POLR2E: variants seen among roughly 807,000 people sequenced by gnomAD.
The protein encoded by POLR2E is DNA-directed RNA polymerases I, II, and III subunit RPABC1.
Under a neutral mutation model 29.8 loss-of-function variants are expected in POLR2E, and 35 were observed. The ratio of observed to expected loss-of-function variants is 1.17; its 90% CI spans 0.90 to 1.55. The LOEUF (loss-of-function observed/expected upper bound fraction) is 1.55. POLR2E is among the 40% of genes most tolerant of loss of function. The probability of loss-of-function intolerance (pLI) is 0.00; values close to 1 mark genes in which losing one functional copy is unlikely to be tolerated. For missense variants in POLR2E, 287 were observed against 288.6 expected, an observed-to-expected ratio of 0.99 and a Z score of 0.04; for synonymous variants, 174 against 112.6, an observed-to-expected ratio of 1.55 and a Z score of -3.45.
intron 3 of POLR2E, 101 bp from the exon 4 acceptor site, chr19:1,091,089 A>C: frequency 3.1e-6 from 3 of 957,420 alleles, no homozygotes; most frequent in Non-Finnish European, 4.8e-6. Context: ...GTGCCCCAAC[A>C]ACACACCCAC....
chr19:1,089,734 C>T (rs2043788233), intron 6 of POLR2E, 150 bp downstream of exon 6: 1 of 799,190 alleles, frequency 1.3e-6, no homozygotes, highest in Non-Finnish European at 2.1e-6. Context: ...GTGGCCCTGG[C>T]TTTAAGAGGG....
At chr19:1,093,793 G>T (rs1236590119) in intron 2 of POLR2E, 111 bp downstream of exon 2, 4 of 1,434,822 alleles carry the variant, frequency 2.8e-6, no homozygotes, top group African/African-American at 2.9e-5. Flanking sequence ...CCCAGACTGG[G>T]CAGAGAGACA....
intron 7 of POLR2E, 73 bp downstream of exon 7, chr19:1,089,399 C>G: frequency 1.0e-6 from 1 of 992,512 alleles, no homozygotes; most frequent in Non-Finnish European, 1.6e-6. Context: ...CAAGAACAGC[C>G]CTGCACACCG....
intron 2 of POLR2E, chr19:1,092,255 C>T (rs1202606141): frequency 8.6e-6 from 2 of 232,642 alleles, no homozygotes; most frequent in Non-Finnish European, 8.7e-6. Context: ...GCAGACCTCA[C>T]ACCCCAGGAC....
Position 1,095,367 on chromosome 19 carries a change from G to C in POLR2E, c.-52C>G. 6.2e-7 allele frequency: 1 copy of C among 1,605,144 alleles called. No homozygotes were observed. The highest frequency in any genetic ancestry group is 8.5e-7 in the Non-Finnish European group (1 of 1,173,732). ...GCACCCCTTCTCCGCGCGAGAACCC[G>C]CGCGGACTGCGCCTGCGCCGAATCC... On this transcript the variant is annotated 5_prime_UTR_variant, in exon 1 of 8. Transcript: ENST00000615234.
Position 1,089,933 on chromosome 19 carries a change from A to G in POLR2E, c.518T>C (p.Ile173Thr), listed in dbSNP as rs1239129584. 1 of 1,612,040 alleles carries G rather than the reference A, an allele frequency of 6.2e-7. No individual in the cohort carries two copies. The highest frequency in any genetic ancestry group is 8.5e-7 in the Non-Finnish European group (1 of 1,179,822). Residue 173 changes from isoleucine (I) to threonine (T), a missense_variant, in exon 6 of 8, where the codon ATC becomes ACC. Transcript: ENST00000615234. ...GCGCGCCACAGGGTCCCCCGCCTGG[A>G]TCCTGGGCAGCTGGTTCTCTCGGAG... is the stretch of plus-strand genomic sequence containing the variant. Reference protein sequence around the residue: ...YKLRENQLPRIQAGDPVARYF... With the variant: ...YKLRENQLPRTQAGDPVARYF...
In POLR2E at chr19:1,095,363, AC is replaced by A; in HGVS notation, c.-49del. On this transcript the variant is annotated 5_prime_UTR_variant, in exon 1 of 8. Transcript: ENST00000615234. ...GCTCGCACCCCTTCTCCGCGCGAGA[AC>A]CCGCGCGGACTGCGCCTGCGCCGAA... is the stretch of plus-strand genomic sequence containing the variant. 6.2e-7 allele frequency: 1 copy of A among 1,605,500 alleles called. No homozygotes were observed. Among genetic ancestry groups the A allele is most frequent in the Non-Finnish European group, 8.5e-7 (1 of 1,174,260 alleles).
Sources: allele counts gnomAD v4.1 joint callset, GRCh38; gene constraint gnomAD v4.1.1; transcripts MANE v1.5; gene names NCBI Gene and HGNC (gene_info 2026-07-23, HGNC 2026-07-21).